ADGRB3: variants seen among roughly 807,000 people sequenced by gnomAD.
The protein encoded by ADGRB3 is adhesion G protein-coupled receptor B3, also known as brain-specific angiogenesis inhibitor 3.
In ADGRB3, 37 loss-of-function variants were observed where a neutral mutation model predicts 193.4. The ratio of observed to expected loss-of-function variants is 0.19; its 90% CI spans 0.15 to 0.25. The LOEUF is 0.25. Ranked by LOEUF, ADGRB3 falls within the 10% of genes least tolerant of loss-of-function variation. The probability of loss-of-function intolerance (pLI) is 1.00; values close to 1 mark genes in which losing one functional copy is unlikely to be tolerated. For synonymous variants in ADGRB3, 690 were observed against 644.2 expected (o/e 1.07, Z -1.08); for missense variants, 1,637 against 1,852.9 (o/e 0.88, Z 2.14).
intron 12 of ADGRB3, among the ~76,000 whole-genome samples, chr6:69,017,439 A>G (rs1280612206): frequency 6.6e-6 from 1 of 152,010 alleles, no homozygotes; most frequent in Non-Finnish European, 1.5e-5. Context: ...AAGTGGTTAT[A>G]TAATGCAGGA....
At position 69,088,575 on chromosome 6, in the gene ADGRB3, T is replaced by C. The variant is rs561584906; in HGVS notation, c.2480+12537T>C. 4.6e-5 allele frequency among the ~76,000 whole-genome samples: 7 copies of C among 152,334 alleles called. No homozygotes were observed. In the East Asian group the frequency reaches 1.4e-3, roughly 29 times the overall value. Reference sequence around the variant, plus strand: ...TATTAGTAGAGATGGGATTTCACCATGTTGGCCAGTCTGGTCTAAAATTCC... The same window carrying C: ...TATTAGTAGAGATGGGATTTCACCACGTTGGCCAGTCTGGTCTAAAATTCC... On this transcript the variant is annotated intron_variant, in intron 17 of 31. Coordinates refer to ENST00000370598, the MANE Select transcript of ADGRB3 (RefSeq NM_001704.3).
chr6:68,993,639 A>G, intron 10 of ADGRB3, 129 bp from the exon 11 acceptor site: 1 of 941,016 alleles, frequency 1.1e-6, no homozygotes. Context: ...ACAGTTTTCA[A>G]ATCCTCCCAA....
At chr6:69,054,739 G>T (rs746712937) in intron 15 of ADGRB3, among the ~76,000 whole-genome samples, 12 of 152,196 alleles carry the variant, frequency 7.9e-5, no homozygotes, top group African/African-American at 2.9e-4. Context: ...TAAAATTCTA[G>T]ATTCTACATA....
At chr6:68,910,995 G>T (rs1326475128) in intron 3 of ADGRB3, among the ~76,000 whole-genome samples, 1 of 151,926 alleles carries the variant, frequency 6.6e-6, no homozygotes. Flanking sequence ...ATTACCTTGG[G>T]CAGTATGGCC....
Position 68,678,884 on chromosome 6 carries a change from T to A in ADGRB3, c.757+39452T>A, listed in dbSNP as rs115457508. Among the ~76,000 whole-genome samples the A allele has an allele frequency of 3.1e-3, 466 of 152,292 alleles. 1 individual carries two copies. The highest frequency in any genetic ancestry group is 0.011 in the African/African-American group (440 of 41,572). The stretch of plus-strand genomic sequence containing the variant: ...TAGTAATAACAATATCAGAGAAACA[T>A]TATAATGATAATAAAACATTTCAAA... On this transcript the variant is annotated intron_variant, in intron 3 of 31. Coordinates refer to ENST00000370598, the MANE Select transcript of ADGRB3 (RefSeq NM_001704.3).
At chr6:69,016,500 T>C (rs1464751558) in intron 12 of ADGRB3, among the ~76,000 whole-genome samples, 2 of 151,900 alleles carry the variant, frequency 1.3e-5, no homozygotes, top group African/African-American at 4.8e-5. Flanking sequence ...CACTTGGTAA[T>C]TGGCAGTGAC....
intron 3 of ADGRB3, among the ~76,000 whole-genome samples, chr6:68,664,755 A>C (rs1768757966): frequency 6.6e-6 from 1 of 151,800 alleles, no homozygotes; most frequent in African/African-American, 2.4e-5. Context: ...TAGAATGATG[A>C]TTTGAACCCA....
At chr6:69,023,569 G>T (rs1262203450) in intron 13 of ADGRB3, among the ~76,000 whole-genome samples, 2 of 152,140 alleles carry the variant, frequency 1.3e-5, no homozygotes, top group Non-Finnish European at 2.9e-5. Context: ...ATGTATAGAA[G>T]TGAAGGAAGT....
intron 4 of ADGRB3, among the ~76,000 whole-genome samples, chr6:68,934,111 T>C (rs1022964279): frequency 5.3e-5 from 8 of 152,210 alleles, no homozygotes; most frequent in Non-Finnish European, 1.0e-4. Flanking sequence ...AAAAGAAGTA[T>C]TTAGTGGAAA....
At chr6:69,301,453 A>G (rs1767946555) in intron 20 of ADGRB3, among the ~76,000 whole-genome samples, 1 of 151,910 alleles carries the variant, frequency 6.6e-6, no homozygotes, top group Admixed American at 6.6e-5. Context: ...GACTCTGATC[A>G]TCTCAGAAAA....
chr6:69,361,063 G>A lies in ADGRB3; in HGVS notation c.3790G>A (p.Glu1264Lys). ...TTTGCACATGCCCATGAGTATGAAT[G>A]AGCTTAGCAATCCATGTTTGAAAAA... is the stretch of plus-strand genomic sequence containing the variant. Reference protein sequence around the residue: ...TGLHMPMSMNELSNPCLKKEN... With the variant: ...TGLHMPMSMNKLSNPCLKKEN... Residue 1264 changes from glutamate to lysine, a missense_variant, in exon 29 of 32, where the codon GAG (glutamate) becomes AAG (lysine). Glu to Lys is a moderately conservative substitution (Grantham distance 56, BLOSUM62 1). Transcript: ENST00000370598. The A allele has an allele frequency of 6.2e-7, 1 of 1,612,796 alleles. No homozygotes were observed. Among genetic ancestry groups the A allele is most frequent in the Non-Finnish European group, 8.5e-7 (1 of 1,179,226 alleles).
intron 27 of ADGRB3, 67 bp downstream of exon 27, chr6:69,354,395 T>C (rs878987744): frequency 7.3e-7 from 1 of 1,367,528 alleles, no homozygotes; most frequent in South Asian, 1.2e-5. Flanking sequence ...AAGAAATCCT[T>C]ATGAGTAAAA....
At chr6:68,842,272 C>G (rs1768173761) in intron 3 of ADGRB3, among the ~76,000 whole-genome samples, 1 of 151,656 alleles carries the variant, frequency 6.6e-6, no homozygotes, top group African/African-American at 2.4e-5. Context: ...AATTGACAAA[C>G]TTTTAGCCAG....
chr6:69,284,565 A>G (rs962516524), intron 20 of ADGRB3, among the ~76,000 whole-genome samples: 1 of 152,112 alleles, frequency 6.6e-6, no homozygotes, highest in Non-Finnish European at 1.5e-5. Context: ...CCTGGTTACT[A>G]CTTTTCAACA....
intron 29 of ADGRB3, among the ~76,000 whole-genome samples, chr6:69,367,876 T>C (rs1432110483): frequency 1.3e-5 from 2 of 151,688 alleles, no homozygotes; most frequent in Non-Finnish European, 2.9e-5. Context: ...AGCATCATTC[T>C]CCGTAAACTA....
chr6:68,793,899 A>T (rs1767155878), intron 3 of ADGRB3, among the ~76,000 whole-genome samples: 1 of 152,200 alleles, frequency 6.6e-6, no homozygotes, highest in Admixed American at 6.5e-5. Context: ...AAACTCAGTC[A>T]TCATTGAAGC....
At position 69,297,368 on chromosome 6, in the gene ADGRB3, T is replaced by TCTCTCTTTCTC. The variant is rs1767846054; in HGVS notation, c.2815-27504_2815-27503insCTCTCTTTCTC. Among the ~76,000 whole-genome samples, 39 of 97,648 alleles carry TCTCTCTTTCTC rather than the reference T, an allele frequency of 4.0e-4. 1 individual carries two copies. The highest frequency in any genetic ancestry group is 1.4e-3 in the East Asian group (3 of 2,218). 64.1% of individuals were successfully genotyped at this position (97,648 alleles called of 152,430 possible). A position where few individuals can be genotyped will look rare whatever the true frequency, so the allele number is the denominator to read the frequency against. Reference sequence around the variant, plus strand: ...TCTCTCTCTCTCTCTCTCTCTCTCTTTCTCTCTCTCTCTCTCTCTCTCTAT... The same window carrying TCTCTCTTTCTC: ...TCTCTCTCTCTCTCTCTCTCTCTCTTCTCTCTTTCTCTCTCTCTCTCTCTCTCTCTCTCTAT... On this transcript the variant is annotated intron_variant, in intron 20 of 31. Transcript: ENST00000370598.
At chr6:68,875,057 TCC>T (rs1162248875) in intron 3 of ADGRB3, among the ~76,000 whole-genome samples, 2 of 147,066 alleles carry the variant, frequency 1.4e-5, no homozygotes, top group African/African-American at 5.0e-5. Flanking sequence ...CTTCCTTCCT[TCC>T]TTTCTTTCCT....
rs1250616144 is a variant in ADGRB3, at chr6:69,367,609, G to T, written c.4240-4797G>T. On this transcript the variant is annotated intron_variant, in intron 29 of 31. Transcript: ENST00000370598. ...GGTTTTGATTTGCATTTCTCTGATG[G>T]CCAGTGATGATGAGCATTTTTTCAT... 2.0e-5 allele frequency among the ~76,000 whole-genome samples: 3 copies of T among 151,962 alleles called. No individual in the cohort carries two copies. The South Asian group carries it at 6.2e-4, about 32-fold the overall frequency.
Sources: gnomAD v4.1 joint callset for allele counts (sites outside exome capture counted in the v4.1 genomes callset) on GRCh38, gnomAD v4.1.1 for gene constraint, MANE v1.5 for transcripts, NCBI Gene and HGNC (gene_info 2026-07-23, HGNC 2026-07-21) for gene names.